MGMT: variants seen among roughly 807,000 people sequenced by gnomAD.
MGMT encodes methylated-DNA--protein-cysteine methyltransferase.
MGMT carries 14 observed loss-of-function variants against 15.9 expected under a neutral mutation model. The ratio of observed to expected loss-of-function variants is 0.88; its 90% CI spans 0.58 to 1.37. The LOEUF is 1.37. MGMT is among the 40% of genes most tolerant of loss of function. The pLI is 0.00. For missense variants in MGMT, 282 were observed against 268.1 expected (o/e 1.05, Z -0.36); for synonymous variants, 130 against 118.2 (o/e 1.10, Z -0.65).
At chr10:129,744,341 G>A (rs991318857) in intron 3 of MGMT, among the ~76,000 whole-genome samples, 17 of 152,342 alleles carry the variant, frequency 1.1e-4, no homozygotes, top group African/African-American at 4.1e-4. Flanking sequence ...GAGCTCCATG[G>A]CATACAGAGC....
intron 2 of MGMT, among the ~76,000 whole-genome samples, chr10:129,630,081 TTGTC>T (rs758690463): frequency 3.3e-5 from 5 of 152,348 alleles, no homozygotes; most frequent in East Asian, 3.9e-4. Flanking sequence ...GCTGTGTTCT[TTGTC>T]TGGTTAATCG....
chr10:129,670,717 AAC>A (rs1847711546), intron 2 of MGMT, among the ~76,000 whole-genome samples: 1 of 152,172 alleles, frequency 6.6e-6, no homozygotes. Context: ...ACATATTATA[AAC>A]AGTTATGCCA....
intron 2 of MGMT, among the ~76,000 whole-genome samples, chr10:129,671,770 G>C (rs141611915): frequency 6.6e-6 from 1 of 152,116 alleles, no homozygotes; most frequent in Non-Finnish European, 1.5e-5. Flanking sequence ...CGTCATTGCC[G>C]AACACGTGAA....
Position 129,660,071 on chromosome 10 carries a change from A to G in MGMT, c.126-47824A>G, listed in dbSNP as rs193002349. Among the ~76,000 whole-genome samples the G allele has an allele frequency of 7.9e-5, 12 of 152,268 alleles. No individual in the cohort carries two copies. In the East Asian group the frequency reaches 2.3e-3, roughly 29 times the overall value. On this transcript the variant is annotated intron_variant, in intron 2 of 4. Coordinates refer to ENST00000651593, the MANE Select transcript of MGMT (RefSeq NM_002412.5). ...TTTTGGTTTTTTACTGCCAATTCCA[A>G]CAGCCATTTGTCTTTTCAGAGCTAA...
intron 2 of MGMT, chr10:129,563,927 G>C (rs1589868534): frequency 6.6e-6 from 1 of 152,452 alleles, no homozygotes; most frequent in South Asian, 2.1e-4. Context: ...CCGGCGGAAG[G>C]TGAAAGCTTC....
intron 3 of MGMT, among the ~76,000 whole-genome samples, chr10:129,750,483 A>G (rs1257680818): frequency 7.1e-6 from 1 of 140,868 alleles, no homozygotes; most frequent in Non-Finnish European, 1.6e-5. Context: ...TGCAGATAAA[A>G]AATGTTCAAC....
intron 2 of MGMT, among the ~76,000 whole-genome samples, chr10:129,578,532 G>A (rs1306090622): frequency 6.6e-6 from 1 of 151,808 alleles, no homozygotes; most frequent in African/African-American, 2.4e-5. Context: ...GGGGACTGTT[G>A]TGGGGTGGGA....
At chr10:129,706,217 CTG>C (rs1848160191) in intron 2 of MGMT, among the ~76,000 whole-genome samples, 2 of 152,224 alleles carry the variant, frequency 1.3e-5, no homozygotes, top group Admixed American at 1.3e-4. Context: ...TACGTTCACA[CTG>C]TCTGTCCTAC....
intron 2 of MGMT, among the ~76,000 whole-genome samples, chr10:129,597,485 CAAAA>C (rs534597191): frequency 4.7e-5 from 7 of 149,436 alleles, no homozygotes; most frequent in Non-Finnish European, 8.9e-5. Flanking sequence ...AATAAAAAAA[CAAAA>C]AAAAAGACAA....
intron 2 of MGMT, among the ~76,000 whole-genome samples, chr10:129,677,940 G>C (rs1274332019): frequency 6.6e-6 from 1 of 152,154 alleles, no homozygotes; most frequent in East Asian, 1.9e-4. Flanking sequence ...GATTGTTTTG[G>C]TGTCTGTAGG....
chr10:129,481,869 T>A (rs1228131735), intron 1 of MGMT, among the ~76,000 whole-genome samples: 1 of 152,222 alleles, frequency 6.6e-6, no homozygotes, highest in Non-Finnish European at 1.5e-5. Context: ...CTGTTTCTTT[T>A]CAGAGAGCCA....
chr10:129,747,186 A>G (rs772047750), intron 3 of MGMT, among the ~76,000 whole-genome samples: 9 of 152,156 alleles, frequency 5.9e-5, no homozygotes, highest in East Asian at 5.8e-4. Context: ...AGACTTTTCT[A>G]TTATTTCCTG....
intron 4 of MGMT, 128 bp downstream of exon 4, chr10:129,759,469 G>A (rs1848846586): frequency 7.2e-7 from 1 of 1,394,828 alleles, no homozygotes; most frequent in East Asian, 2.3e-5. Context: ...GGCGATATCT[G>A]TGATGGGGAC....
At chr10:129,519,127 G>A (rs1385990523) in intron 1 of MGMT, among the ~76,000 whole-genome samples, 1 of 152,110 alleles carries the variant, frequency 6.6e-6, no homozygotes, top group African/African-American at 2.4e-5. Flanking sequence ...ATTAAGACTC[G>A]GAGACTACCA....
In MGMT at chr10:129,578,680, A is replaced by G. The variant is rs140011459; in HGVS notation, c.125+42303A>G. Among the ~76,000 whole-genome samples the G allele has an allele frequency of 2.5e-3, 383 of 152,334 alleles. 1 individual carries two copies. The highest frequency in any genetic ancestry group is 8.9e-3 in the African/African-American group (369 of 41,586). ...ACATGTACCCTAAAACTTAAAGTAT[A>G]ATAATAAGAAAGAAACAAGATGAGC... On this transcript the variant is annotated intron_variant, in intron 2 of 4. Coordinates refer to ENST00000651593, the MANE Select transcript of MGMT (RefSeq NM_002412.5).
At chr10:129,475,372 G>C (rs539020238) in intron 1 of MGMT, among the ~76,000 whole-genome samples, 1 of 152,124 alleles carries the variant, frequency 6.6e-6, no homozygotes, top group Non-Finnish European at 1.5e-5. Flanking sequence ...GAGAAAGTGC[G>C]TGCCACCCTC....
intron 2 of MGMT, among the ~76,000 whole-genome samples, chr10:129,706,466 G>A (rs1029872674): frequency 6.6e-6 from 1 of 152,126 alleles, no homozygotes; most frequent in African/African-American, 2.4e-5. Context: ...AAGGGCCCGC[G>A]GGAGCTGTGC....
At chr10:129,758,307 T>C (rs1344136687) in intron 3 of MGMT, among the ~76,000 whole-genome samples, 3 of 152,068 alleles carry the variant, frequency 2.0e-5, no homozygotes, top group Non-Finnish European at 2.9e-5. Flanking sequence ...AGCCTTCCCT[T>C]TGTTGCTGCT....
chr10:129,672,954 C>A (rs116015610), intron 2 of MGMT, among the ~76,000 whole-genome samples: 1 of 152,116 alleles, frequency 6.6e-6, no homozygotes, highest in African/African-American at 2.4e-5. Context: ...CTTGGGGCAC[C>A]GGCAGTGTGG....
Sources: gnomAD v4.1 joint callset for allele counts (sites outside exome capture counted in the v4.1 genomes callset) on GRCh38, gnomAD v4.1.1 for gene constraint, MANE v1.5 for transcripts, NCBI Gene and HGNC (gene_info 2026-07-23, HGNC 2026-07-21) for gene names.